WWC1: variants seen among roughly 807,000 people sequenced by gnomAD.
WWC1 encodes the protein protein KIBRA.
Under a neutral mutation model 138.4 loss-of-function variants are expected in WWC1, and 55 were observed. The ratio of observed to expected loss-of-function variants is 0.40; its 90% CI spans 0.32 to 0.50. The LOEUF (loss-of-function observed/expected upper bound fraction) is 0.50. WWC1 is among the 20% of genes least tolerant of loss of function. WWC1 has a pLI of 0.72. For missense variants in WWC1, 1,226 were observed against 1,420.4 expected, an observed-to-expected ratio of 0.86 and a Z score of 2.20; for synonymous variants, 524 against 564.9, an observed-to-expected ratio of 0.93 and a Z score of 1.03.
intron 2 of WWC1, among the ~76,000 whole-genome samples, chr5:168,376,475 A>G (rs1777175518): frequency 6.6e-6 from 1 of 152,252 alleles, no homozygotes; most frequent in Non-Finnish European, 1.5e-5. Context: ...AAATAGGAAA[A>G]GAAGAAGTCA....
chr5:168,333,713 G>A (rs547054206), intron 1 of WWC1, among the ~76,000 whole-genome samples: 3 of 152,196 alleles, frequency 2.0e-5, no homozygotes, highest in African/African-American at 7.2e-5. Flanking sequence ...GGCTTTACCT[G>A]CACAGCTTCC....
chr5:168,385,442 C>T, intron 3 of WWC1, 28 bp downstream of exon 3: 1 of 1,606,850 alleles, frequency 6.2e-7, no homozygotes. Flanking sequence ...CCACCACCCC[C>T]ACCGACACCA....
intron 2 of WWC1, among the ~76,000 whole-genome samples, chr5:168,381,561 T>C (rs1777633196): frequency 6.6e-6 from 1 of 152,156 alleles, no homozygotes. Flanking sequence ...CTCCCAGAGA[T>C]TGGGATTTGA....
chr5:168,307,226 C>T lies in WWC1; in HGVS notation c.119+14955C>T, dbSNP rs73801876. 4.2e-3 allele frequency among the ~76,000 whole-genome samples: 636 copies of T among 152,282 alleles called. 4 individuals carry two copies. The highest frequency in any genetic ancestry group is 0.014 in the African/African-American group (589 of 41,536). On this transcript the variant is annotated intron_variant, in intron 1 of 22. Transcript: ENST00000265293. ...AAAGTTGAAAACTTGCCCAAGGTTG[C>T]GTAGCTAATAAGTGGCAGAACTGAC...
chr5:168,449,944 G>T (rs78893668), intron 17 of WWC1, among the ~76,000 whole-genome samples: 1 of 152,182 alleles, frequency 6.6e-6, no homozygotes, highest in African/African-American at 2.4e-5. Context: ...CTCCACAGCC[G>T]CAGTCCTCAT....
At chr5:168,366,802 C>CTT (rs202012790) in intron 1 of WWC1, among the ~76,000 whole-genome samples, 15,264 of 98,990 alleles carry the variant, frequency 0.15, 1,667 homozygotes, top group South Asian at 0.27. Context: ...CTTTGAAACA[C>CTT]TTTTTTTTTT....
chr5:168,321,589 C>G (rs1772110357), intron 1 of WWC1, among the ~76,000 whole-genome samples: 2 of 149,078 alleles, frequency 1.3e-5, no homozygotes, highest in Admixed American at 1.3e-4. Flanking sequence ...GGCTGGAGTG[C>G]AATGATGACA....
In WWC1 at chr5:168,292,173, C is replaced by T. The variant is rs781182599; in HGVS notation, c.21C>T (p.Pro7=). 3 of 1,546,884 alleles carry T rather than the reference C, an allele frequency of 1.9e-6. No individual in the cohort carries two copies. In the East Asian group the frequency reaches 7.4e-5, roughly 38 times the overall value. Residue 7 remains proline, a synonymous_variant, in exon 1 of 23, where the codon CCC becomes CCT. Coordinates refer to ENST00000265293, the MANE Select transcript of WWC1 (RefSeq NM_015238.3). This position sits in a 1 kb window ranked among gnomAD's most constrained non-coding sequence, Gnocchi z 4.4. The part of the protein sequence containing the change: MPRPEL[P]LPEGWEEARD... ...GGAAGATGCCCCGGCCGGAGCTGCCCCTGCCGGAGGGCTGGGAGGAGGCGC... is the reference window on the plus strand; with the variant it reads ...GGAAGATGCCCCGGCCGGAGCTGCCTCTGCCGGAGGGCTGGGAGGAGGCGC...
chr5:168,320,602 G>A (rs114117482), intron 1 of WWC1, among the ~76,000 whole-genome samples: 2 of 152,190 alleles, frequency 1.3e-5, no homozygotes, highest in Non-Finnish European at 1.5e-5. Context: ...ACATGTGTAA[G>A]ACTCTGTGTG....
chr5:168,428,570 T>A (rs1386363482), intron 12 of WWC1, 137 bp from the exon 13 acceptor site: 10 of 770,866 alleles, frequency 1.3e-5, no homozygotes, highest in African/African-American at 3.5e-5. Flanking sequence ...AAATTTTTTT[T>A]AATTAAAATT....
chr5:168,406,146 C>T (rs1002341290), intron 5 of WWC1, 52 bp from the exon 6 acceptor site: 10 of 1,602,652 alleles, frequency 6.2e-6, no homozygotes, highest in Non-Finnish European at 8.5e-6. Context: ...CCTGGGGAGA[C>T]CCTGTCCCTC....
intron 3 of WWC1, among the ~76,000 whole-genome samples, chr5:168,393,270 C>A (rs888731248): frequency 5.3e-5 from 8 of 152,150 alleles, no homozygotes; most frequent in African/African-American, 1.9e-4. Context: ...AAAGGGTTCA[C>A]TGAGTGTCCA....
At chr5:168,395,765 C>T (rs936771042) in intron 3 of WWC1, among the ~76,000 whole-genome samples, 3 of 152,338 alleles carry the variant, frequency 2.0e-5, no homozygotes, top group African/African-American at 4.8e-5. Context: ...TGGTAAACCT[C>T]GGTCTTCTTT....
intron 11 of WWC1, among the ~76,000 whole-genome samples, chr5:168,426,141 G>A (rs924032836): frequency 2.0e-5 from 3 of 152,176 alleles, no homozygotes; most frequent in African/African-American, 7.2e-5. Flanking sequence ...GGCTTTGAGT[G>A]CCAGTGGTTT....
intron 20 of WWC1, 123 bp downstream of exon 20, chr5:168,460,865 G>T (rs1756744391): frequency 1.9e-6 from 2 of 1,038,844 alleles, no homozygotes; most frequent in Non-Finnish European, 2.9e-6. Context: ...CTAGAAAAAT[G>T]TTGCTCTCTC....
At chr5:168,455,059 T>A (rs1756181859) in intron 18 of WWC1, among the ~76,000 whole-genome samples, 1 of 152,272 alleles carries the variant, frequency 6.6e-6, no homozygotes, top group Admixed American at 6.5e-5. Flanking sequence ...CATCACACTT[T>A]CAAAACTTTG....
rs1281875447 is a variant in WWC1, at chr5:168,343,171, CA to C, written c.120-28252del. 6.6e-5 allele frequency among the ~76,000 whole-genome samples: 10 copies of C among 152,126 alleles called. No individual in the cohort carries two copies. In the South Asian group the frequency reaches 1.9e-3, roughly 28 times the overall value. On this transcript the variant is annotated intron_variant, in intron 1 of 22. Transcript: ENST00000265293. ...ACCATATAATCATGGTTTTAAAGGT[CA>C]TAAAGTTCACTGTGCTAGGAGATAC...
chr5:168,359,033 G>GGTGTGTGT lies in WWC1; in HGVS notation c.120-12360_120-12353dup, dbSNP rs58992917. Among the ~76,000 whole-genome samples the GGTGTGTGT allele has an allele frequency of 3.9e-3, 576 of 148,288 alleles. 7 individuals carry two copies. The highest frequency in any genetic ancestry group is 0.013 in the African/African-American group (524 of 39,646). On this transcript the variant is annotated intron_variant, in intron 1 of 22. Coordinates refer to ENST00000265293, the MANE Select transcript of WWC1 (RefSeq NM_015238.3). ...TTTTTGTTGTTGTTGGTGGTGGTGG[G>GGTGTGTGT]GTGTGTGTGTGTGTGTGTGTGTGTG...
At chr5:168,453,867 T>A in intron 17 of WWC1, 101 bp from the exon 18 acceptor site, 3 of 1,551,470 alleles carry the variant, frequency 1.9e-6, no homozygotes, top group Non-Finnish European at 1.7e-6. Flanking sequence ...ATATCTTCAA[T>A]CATCAAAAGG....
Sources: allele counts gnomAD v4.1 joint callset (sites outside exome capture counted in the v4.1 genomes callset), GRCh38; gene constraint gnomAD v4.1.1; non-coding constraint Gnocchi (gnomAD v3.1); transcripts MANE v1.5; gene names NCBI Gene and HGNC (gene_info 2026-07-23, HGNC 2026-07-21).